The following FIGN variants were observed in gnomAD, a reference collection of about 807,000 sequenced individuals.
The protein encoded by FIGN is fidgetin.
Under a neutral mutation model 51.3 loss-of-function variants are expected in FIGN, and 11 were observed. That is an observed-to-expected ratio of 0.21 (90% CI 0.13 to 0.35). The LOEUF (loss-of-function observed/expected upper bound fraction) is 0.35. Among genes scored for constraint, FIGN ranks in the 10% least tolerant of loss-of-function variants. The pLI, the probability that FIGN is intolerant of heterozygous loss-of-function variation, is 1.00. For synonymous variants in FIGN, 407 were observed against 363.2 expected (o/e 1.12, Z -1.37); for missense variants, 857 against 943.6 (o/e 0.91, Z 1.20).
intron 2 of FIGN, among the ~76,000 whole-genome samples, chr2:163,693,582 G>A (rs79451814): frequency 0.034 from 5,174 of 152,114 alleles, 262 homozygotes; most frequent in African/African-American, 0.11. Context: ...ACCAAAATTA[G>A]AGTAGTTACA....
intron 2 of FIGN, among the ~76,000 whole-genome samples, chr2:163,663,633 A>C (rs1361287863): frequency 6.6e-6 from 1 of 151,488 alleles, no homozygotes; most frequent in Non-Finnish European, 1.5e-5. Flanking sequence ...CTGTAATCCC[A>C]GTACTTTGGG....
intron 2 of FIGN, among the ~76,000 whole-genome samples, chr2:163,669,512 C>T (rs1231601594): frequency 6.6e-6 from 1 of 152,162 alleles, no homozygotes; most frequent in Non-Finnish European, 1.5e-5. Flanking sequence ...ACGTATTTGA[C>T]TTCATACATA....
chr2:163,608,044 A>C lies in FIGN; in HGVS notation c.*1508T>G, dbSNP rs577177720. On this transcript the variant is annotated 3_prime_UTR_variant, in exon 3 of 3. Transcript: ENST00000333129. ...TTGGAAACTAGATTTACGGTGAAAG[A>C]TGGAAGAAAACAAAGTAACATGTTT... is the stretch of plus-strand genomic sequence containing the variant. The C allele has an allele frequency of 5.9e-5, 9 of 152,780 alleles. No homozygotes were observed. Among genetic ancestry groups the C allele is most frequent in the South Asian group, 4.1e-4 (2 of 4,830 alleles). The allele number at this position is 152,780 out of a possible 1,614,324, so 9.5% of individuals were successfully genotyped here.
intron 2 of FIGN, among the ~76,000 whole-genome samples, chr2:163,629,680 T>C (rs2105309952): frequency 6.6e-6 from 1 of 152,266 alleles, no homozygotes; most frequent in Non-Finnish European, 1.5e-5. Context: ...CTATGGTTGC[T>C]TTCTAGCTAC....
At chr2:163,655,869 T>C (rs1683552427) in intron 2 of FIGN, among the ~76,000 whole-genome samples, 1 of 151,470 alleles carries the variant, frequency 6.6e-6, no homozygotes, top group Admixed American at 6.6e-5. Context: ...AAACACTCCA[T>C]GCAGAAAAGA....
intron 2 of FIGN, among the ~76,000 whole-genome samples, chr2:163,704,820 C>A (rs547867770): frequency 6.6e-6 from 1 of 152,034 alleles, no homozygotes; most frequent in South Asian, 2.1e-4. Context: ...ATAACCCCAA[C>A]TAAGTGTTCA....
intron 2 of FIGN, among the ~76,000 whole-genome samples, chr2:163,653,726 C>T (rs1683513475): frequency 6.6e-6 from 1 of 152,086 alleles, no homozygotes. Context: ...CCCATCCCCT[C>T]ACCAATGAAT....
chr2:163,705,824 T>A (rs1336817149), intron 2 of FIGN, among the ~76,000 whole-genome samples: 2 of 152,062 alleles, frequency 1.3e-5, no homozygotes, highest in African/African-American at 2.4e-5. Flanking sequence ...ACATAACTGG[T>A]TTAATATAAA....
intron 2 of FIGN, among the ~76,000 whole-genome samples, chr2:163,683,372 T>C (rs528324961): frequency 1.5e-4 from 23 of 152,162 alleles, no homozygotes; most frequent in African/African-American, 5.3e-4. Context: ...GTTTCAAAGA[T>C]TGTTGTTCGA....
In FIGN at chr2:163,610,727, C is replaced by T. The variant is rs749223662; in HGVS notation, c.1105G>A (p.Ala369Thr). The change falls in exon 3 of 3, where the codon GCT becomes ACT. Residue 369 changes from alanine to threonine, a missense_variant. By Grantham distance (58) the Ala-to-Thr change is moderately conservative. Around this residue, in one of 3 missense-constraint regions of FIGN, gnomAD observed 799 missense variants for 849.5 expected, o/e 0.94. Coordinates refer to ENST00000333129, the MANE Select transcript of FIGN (RefSeq NM_018086.4). ...TTAAATGCTAAGGATGATGTTTCAG[C>T]ACTTCTGTCAAAGCCATTCCCCCGA... ...TNRGNGFDRSAETSSLAFKPT... is the reference protein window; with the variant it reads ...TNRGNGFDRSTETSSLAFKPT... The T allele has an allele frequency of 6.2e-7, 1 of 1,614,194 alleles. No homozygotes were observed. The highest frequency in any genetic ancestry group is 8.5e-7 in the Non-Finnish European group (1 of 1,180,034).
At chr2:163,676,433 GAA>G (rs1683965370) in intron 2 of FIGN, among the ~76,000 whole-genome samples, 3 of 65,626 alleles carry the variant, frequency 4.6e-5, no homozygotes, top group Non-Finnish European at 8.5e-5. Context: ...TGGATTCCTG[GAA>G]TATATATATA....
chr2:163,707,534 TA>T (rs1009725465), intron 2 of FIGN, among the ~76,000 whole-genome samples: 18 of 152,214 alleles, frequency 1.2e-4, no homozygotes, highest in African/African-American at 4.1e-4. Flanking sequence ...TTTAGTAAAG[TA>T]AAATAATCTT....
At chr2:163,661,835 G>A (rs960979992) in intron 2 of FIGN, among the ~76,000 whole-genome samples, 8 of 151,960 alleles carry the variant, frequency 5.3e-5, no homozygotes, top group East Asian at 1.9e-4. Context: ...AGTGCCTTTC[G>A]CCTCCTGCCA....
At position 163,723,993 on chromosome 2, in the gene FIGN, C is replaced by T. The variant is rs553501579; in HGVS notation, c.25+10910G>A. Among the ~76,000 whole-genome samples, 51 of 152,230 alleles carry T rather than the reference C, an allele frequency of 3.4e-4. No individual in the cohort carries two copies. The South Asian group carries it at 7.3e-3, about 22-fold the overall frequency. ...ACAAAAATATTTTGCATCTTTTAGA[C>T]GACTAGCAAGGTCCAAGTTACTTGA... is the stretch of plus-strand genomic sequence containing the variant. On this transcript the variant is annotated intron_variant, in intron 2 of 2. Coordinates refer to ENST00000333129, the MANE Select transcript of FIGN (RefSeq NM_018086.4).
chr2:163,685,640 T>C (rs956915594), intron 2 of FIGN, among the ~76,000 whole-genome samples: 3 of 152,210 alleles, frequency 2.0e-5, no homozygotes, highest in Admixed American at 6.5e-5. Flanking sequence ...GCCAGACTTC[T>C]TCTAGGTCAA....
In FIGN at chr2:163,622,916, G is replaced by A. The variant is rs530301942; in HGVS notation, c.26-11110C>T. 1.3e-4 allele frequency among the ~76,000 whole-genome samples: 20 copies of A among 152,262 alleles called. No homozygotes were observed. In the East Asian group the frequency reaches 3.9e-3, roughly 29 times the overall value. ...ATTTAAAAGAAATTTCATTTTAAGT[G>A]TGCTAGTTTTACTTGTTTATATTAA... On this transcript the variant is annotated intron_variant, in intron 2 of 2. Transcript: ENST00000333129.
At position 163,660,763 on chromosome 2, in the gene FIGN, A is replaced by G. The variant is rs1264360594; in HGVS notation, c.26-48957T>C. ...CATATATATGTATACACATATACAT[A>G]TATATGTATACACATATACATATAT... On this transcript the variant is annotated intron_variant, in intron 2 of 2. Transcript: ENST00000333129. 2.8e-5 allele frequency among the ~76,000 whole-genome samples: 3 copies of G among 106,528 alleles called. 1 individual carries two copies. Among genetic ancestry groups the G allele is most frequent in the African/African-American group, 1.0e-4 (3 of 28,958 alleles). The allele number at this position is 106,528 out of a possible 152,430, so 69.9% of individuals were successfully genotyped here.
rs751897809 is a variant in FIGN, at chr2:163,611,360, G to A, written c.472C>T (p.Leu158=). 1 of 1,614,160 alleles carries A rather than the reference G, an allele frequency of 6.2e-7. No homozygotes were observed. The highest frequency in any genetic ancestry group is 2.2e-5 in the East Asian group (1 of 44,864). Reference sequence around the variant, plus strand: ...CTACTTGAATAACTAGGTTCTGTCAGGTTGCTGGCTACCCCAGGAGAGCTT... The same window carrying A: ...CTACTTGAATAACTAGGTTCTGTCAAGTTGCTGGCTACCCCAGGAGAGCTT... ...IGSSPGVASN[L]TEPSYSSSTC... is the part of the protein sequence containing the mutation. The change falls in exon 3 of 3, where the codon CTG becomes TTG. Residue 158 remains leucine (L), a synonymous_variant. Transcript: ENST00000333129.
chr2:163,723,877 C>T (rs1684798139), intron 2 of FIGN, among the ~76,000 whole-genome samples: 1 of 150,004 alleles, frequency 6.7e-6, no homozygotes, highest in African/African-American at 2.5e-5. Context: ...GAATGCTTAT[C>T]ATCTCTTCTG....
Sources: allele counts gnomAD v4.1 joint callset (sites outside exome capture counted in the v4.1 genomes callset), GRCh38; gene constraint gnomAD v4.1.1; regional missense constraint gnomAD v4.1.1; transcripts MANE v1.5; gene names NCBI Gene and HGNC (gene_info 2026-07-23, HGNC 2026-07-21).